The following SENP7 variants were observed in gnomAD, a reference collection of about 807,000 sequenced individuals.
The protein encoded by SENP7 is sentrin-specific protease 7.
A neutral mutation model predicts 141.2 loss-of-function variants in SENP7; 64 were observed. The ratio of observed to expected loss-of-function variants is 0.45; its 90% CI spans 0.37 to 0.56. SENP7 has a LOEUF of 0.56. SENP7 is among the 20% of genes least tolerant of loss of function. The pLI is 0.00. For missense variants in SENP7, 1,025 were observed against 1,212.2 expected (o/e 0.85, Z 2.29); for synonymous variants, 382 against 426.4 (o/e 0.90, Z 1.28).
At chr3:101,495,965 G>A in intron 2 of SENP7, among the ~76,000 whole-genome samples, 1 of 152,154 alleles carries the variant, frequency 6.6e-6, no homozygotes, top group East Asian at 1.9e-4. Context: ...TCCAATACAT[G>A]TTGAATACCC....
At chr3:101,427,226 C>T (rs1248331738) in intron 4 of SENP7, among the ~76,000 whole-genome samples, 2 of 152,128 alleles carry the variant, frequency 1.3e-5, no homozygotes, top group Non-Finnish European at 2.9e-5. Context: ...CAGTGGCTCA[C>T]TCCTGTAGTC....
At chr3:101,509,541 T>C (rs1204398359) in intron 1 of SENP7, among the ~76,000 whole-genome samples, 2 of 152,226 alleles carry the variant, frequency 1.3e-5, no homozygotes, top group East Asian at 3.8e-4. Flanking sequence ...ATTAGTTGTA[T>C]GTGATTTAAG....
intron 3 of SENP7, among the ~76,000 whole-genome samples, chr3:101,476,883 C>T (rs2064240483): frequency 1.3e-5 from 2 of 152,098 alleles, no homozygotes; most frequent in South Asian, 2.1e-4. Flanking sequence ...GTTTGTTGGC[C>T]GCATAAATGT....
chr3:101,388,497 A>G lies in SENP7; in HGVS notation c.677+10364T>C, dbSNP rs191849853. Among the ~76,000 whole-genome samples, 355 of 152,300 alleles carry G rather than the reference A, an allele frequency of 2.3e-3. 3 individuals are homozygous for G. Among genetic ancestry groups the G allele is most frequent in the African/African-American group, 8.3e-3 (345 of 41,562 alleles). On this transcript the variant is annotated intron_variant, in intron 6 of 23. Transcript: ENST00000394095. Reference sequence around the variant, plus strand: ...CTATATATACACATCTACAGGAAAAAGTTTCCCTACAAAAGCTAATACATA... The same window carrying G: ...CTATATATACACATCTACAGGAAAAGGTTTCCCTACAAAAGCTAATACATA...
At chr3:101,343,257 C>T (rs2059374197) in intron 14 of SENP7, among the ~76,000 whole-genome samples, 1 of 152,048 alleles carries the variant, frequency 6.6e-6, no homozygotes, top group Non-Finnish European at 1.5e-5. Context: ...TGAGATTATG[C>T]ATATATTTTG....
chr3:101,326,144 C>T, intron 23 of SENP7, 64 bp from the exon 24 acceptor site: 1 of 1,329,078 alleles, frequency 7.5e-7, no homozygotes. Context: ...GTTTTAATTT[C>T]ATTTTTATAA....
Position 101,372,144 on chromosome 3 carries a change from A to G in SENP7, c.678-18T>C, listed in dbSNP as rs2060199425. ...GTGAGCCCCTGCAAAAGAGAACTGT[A>G]TTATACTCAATTCTAATAAAGCCCA... On this transcript the variant is annotated intron_variant, in intron 6 of 23. Coordinates refer to ENST00000394095, the MANE Select transcript of SENP7 (RefSeq NM_020654.5). 6 of 1,306,036 alleles carry G rather than the reference A, an allele frequency of 4.6e-6. No homozygotes were observed. Among genetic ancestry groups the G allele is most frequent in the South Asian group, 1.6e-5 (1 of 61,986 alleles). The allele number at this position is 1,306,036 out of a possible 1,614,324, so 80.9% of individuals were successfully genotyped here.
intron 6 of SENP7, among the ~76,000 whole-genome samples, chr3:101,393,629 G>A (rs911087968): frequency 4.6e-5 from 7 of 152,140 alleles, no homozygotes; most frequent in Non-Finnish European, 8.8e-5. Flanking sequence ...AAATGTCTTA[G>A]TCTGTTTCGT....
intron 4 of SENP7, among the ~76,000 whole-genome samples, chr3:101,442,164 A>G (rs2062700795): frequency 6.6e-6 from 1 of 152,256 alleles, no homozygotes; most frequent in Non-Finnish European, 1.5e-5. Flanking sequence ...CCAAAAAAAT[A>G]CAATAATTCT....
intron 3 of SENP7, among the ~76,000 whole-genome samples, chr3:101,470,679 A>G (rs535533459): frequency 2.0e-5 from 3 of 152,230 alleles, no homozygotes; most frequent in Non-Finnish European, 4.4e-5. Context: ...AGAAATAAAG[A>G]GTATTCAATT....
intron 23 of SENP7, among the ~76,000 whole-genome samples, chr3:101,326,456 A>G (rs1453531315): frequency 1.3e-5 from 2 of 152,124 alleles, no homozygotes; most frequent in South Asian, 2.1e-4. Context: ...GTAGCTGCAT[A>G]CTATAACTCT....
At chr3:101,428,460 T>C (rs921115619) in intron 4 of SENP7, among the ~76,000 whole-genome samples, 1 of 152,230 alleles carries the variant, frequency 6.6e-6, no homozygotes, top group African/African-American at 2.4e-5. Flanking sequence ...ATGATGAGAA[T>C]TTTTTTCAGA....
In SENP7 at chr3:101,449,303, T is replaced by G. The variant is rs372036082; in HGVS notation, c.284+9652A>C. 5.4e-4 allele frequency among the ~76,000 whole-genome samples: 83 copies of G among 152,296 alleles called. No individual in the cohort carries two copies. The East Asian group carries it at 0.015, about 28-fold the overall frequency. ...CCAAGTTGGAAAACACTCTGCAGGA[T>G]ATTATCCAGGAGAACTTCCCCAATC... is the stretch of plus-strand genomic sequence containing the variant. On this transcript the variant is annotated intron_variant, in intron 4 of 23. Coordinates refer to ENST00000394095, the MANE Select transcript of SENP7 (RefSeq NM_020654.5).
chr3:101,385,638 T>C lies in SENP7; in HGVS notation c.677+13223A>G, dbSNP rs1038219663. On this transcript the variant is annotated intron_variant, in intron 6 of 23. Coordinates refer to ENST00000394095, the MANE Select transcript of SENP7 (RefSeq NM_020654.5). ...CACTACCATCCAGAGCTCAAATGAA[T>C]TGCAGAGCTCCTCCAGTGCTCTCAG... Among the ~76,000 whole-genome samples the C allele has an allele frequency of 2.0e-5, 3 of 149,568 alleles. No individual in the cohort carries two copies. In the East Asian group the frequency reaches 5.9e-4, roughly 29 times the overall value.
chr3:101,366,798 C>T, intron 8 of SENP7, 29 bp from the exon 9 acceptor site: 4 of 1,465,128 alleles, frequency 2.7e-6, no homozygotes, highest in Non-Finnish European at 2.8e-6. Flanking sequence ...AAAAAAATAG[C>T]ATTTTTCAAA....
chr3:101,477,717 G>A (rs1217151108), intron 3 of SENP7, among the ~76,000 whole-genome samples: 1 of 151,978 alleles, frequency 6.6e-6, no homozygotes, highest in Non-Finnish European at 1.5e-5. Context: ...TGAGTGTGGT[G>A]GTGGGTGCCT....
At chr3:101,402,616 C>CAAAAAAAAAAAAA (rs58525002) in intron 5 of SENP7, among the ~76,000 whole-genome samples, 1 of 93,654 alleles carries the variant, frequency 1.1e-5, no homozygotes, top group African/African-American at 4.3e-5. Flanking sequence ...GACTCCGTCT[C>CAAAAAAAAAAAAA]AAAAAAAAAA....
At chr3:101,452,738 G>T (rs2063191120) in intron 4 of SENP7, among the ~76,000 whole-genome samples, 1 of 152,166 alleles carries the variant, frequency 6.6e-6, no homozygotes, top group South Asian at 2.1e-4. Context: ...AGACTTACAT[G>T]TTAGACCTAA....
intron 3 of SENP7, among the ~76,000 whole-genome samples, chr3:101,459,914 T>C (rs2063494337): frequency 6.6e-6 from 1 of 151,744 alleles, no homozygotes; most frequent in African/African-American, 2.4e-5. Flanking sequence ...AAAGAGAAAT[T>C]AAGAAAAAAA....
Sources: allele counts gnomAD v4.1 joint callset (sites outside exome capture counted in the v4.1 genomes callset), GRCh38; gene constraint gnomAD v4.1.1; transcripts MANE v1.5; gene names NCBI Gene and HGNC (gene_info 2026-07-23, HGNC 2026-07-21).